LZTFL1: variants seen among roughly 807,000 people sequenced by gnomAD.
LZTFL1 encodes leucine zipper transcription factor-like protein 1.
LZTFL1 carries 25 observed loss-of-function variants against 45.9 expected under a neutral mutation model. The ratio of observed to expected loss-of-function variants is 0.54; its 90% CI spans 0.40 to 0.76. LZTFL1 has a LOEUF of 0.76. Among genes scored for constraint, LZTFL1 ranks in the 30% least tolerant of loss-of-function variants. LZTFL1 has a pLI of 0.00. For missense variants in LZTFL1, 277 were observed against 331.1 expected (o/e 0.84, Z 1.27); for synonymous variants, 93 against 117.4 (o/e 0.79, Z 1.35).
chr3:45,840,074 A>G lies in LZTFL1; in HGVS notation c.3+1915T>C, dbSNP rs775119005. The stretch of plus-strand genomic sequence containing the variant: ...GGGCATGAACCATTTCTTATAATGC[A>G]CAACACCTAGCATAGTGCCTTGTGC... On this transcript the variant is annotated intron_variant, in intron 1 of 9. Transcript: ENST00000296135. Among the ~76,000 whole-genome samples, 3 of 152,186 alleles carry G rather than the reference A, an allele frequency of 2.0e-5. No homozygotes were observed. The East Asian group carries it at 5.8e-4, about 29-fold the overall frequency.
At chr3:45,870,914 C>G (rs1385926578) in intron 2 of LZTFL1, among the ~76,000 whole-genome samples, 2 of 152,148 alleles carry the variant, frequency 1.3e-5, no homozygotes, top group Non-Finnish European at 2.9e-5. Flanking sequence ...ATGGATAATA[C>G]TTGAGTGTTT....
chr3:45,859,090 A>G (rs1454604924), intron 2 of LZTFL1: 5 of 152,354 alleles, frequency 3.3e-5, no homozygotes, highest in South Asian at 2.1e-4. Flanking sequence ...CAGGATTTCT[A>G]TTCTCCTGGA....
intron 2 of LZTFL1, among the ~76,000 whole-genome samples, chr3:45,896,228 G>C (rs1199016829): frequency 6.6e-6 from 1 of 152,260 alleles, no homozygotes; most frequent in African/African-American, 2.4e-5. Flanking sequence ...AGCAGAGCCA[G>C]GGCTGCTTCT....
chr3:45,843,233 T>C (rs1701160517), upstream of LZTFL1, among the ~76,000 whole-genome samples: 1 of 152,234 alleles, frequency 6.6e-6, no homozygotes, highest in Non-Finnish European at 1.5e-5. Flanking sequence ...TCAGTTAAAC[T>C]TCCCCTTTAC....
intron 1 of LZTFL1, 70 bp from the exon 2 acceptor site, chr3:45,838,121 A>G (rs1189877528): frequency 2.7e-6 from 4 of 1,487,582 alleles, no homozygotes; most frequent in Admixed American, 2.1e-5. Context: ...ATGAAAATGC[A>G]TAAGATATCC....
At chr3:45,911,426 AG>A (rs1032076889) in intron 2 of LZTFL1, among the ~76,000 whole-genome samples, 8 of 152,364 alleles carry the variant, frequency 5.3e-5, no homozygotes, top group African/African-American at 1.7e-4. Context: ...TCACATTTTG[AG>A]GCACAGAGTA....
At chr3:45,867,304 A>G (rs2125713485) in intron 2 of LZTFL1, among the ~76,000 whole-genome samples, 2 of 152,270 alleles carry the variant, frequency 1.3e-5, no homozygotes, top group Middle Eastern at 6.8e-3. Flanking sequence ...ATTTTAAAAT[A>G]TGGTGTAAAA....
chr3:45,833,360 T>C (rs1700881368), intron 4 of LZTFL1, among the ~76,000 whole-genome samples: 1 of 152,176 alleles, frequency 6.6e-6, no homozygotes, highest in Non-Finnish European at 1.5e-5. Context: ...ATCTTCCCTG[T>C]ATCTTTTAAA....
At position 45,894,792 on chromosome 3, in the gene LZTFL1, T is replaced by A. The variant is rs1272859190; in HGVS notation, c.-215+18328A>T. The A allele has an allele frequency of 1.7e-5, 13 of 755,696 alleles. No individual in the cohort carries two copies. In the East Asian group the frequency reaches 3.3e-4, roughly 19 times the overall value. 46.8% of individuals were successfully genotyped at this position (755,696 alleles called of 1,614,324 possible). On this transcript the variant is annotated intron_variant, in intron 2 of 4. Coordinates refer to the LZTFL1 transcript ENST00000472635. ...TATAGACTCTAACTCCTGCTTGGAATATTTTTTTCAGAAGAATAAGCAGAT... is the reference window on the plus strand; with the variant it reads ...TATAGACTCTAACTCCTGCTTGGAAAATTTTTTTCAGAAGAATAAGCAGAT...
chr3:45,826,131 G>T lies in LZTFL1; in HGVS notation c.*183C>A, dbSNP rs981814092. The T allele has an allele frequency of 4.1e-5, 25 of 603,600 alleles. No individual in the cohort carries two copies. In the South Asian group the frequency reaches 5.1e-4, roughly 12 times the overall value. 37.4% of individuals were successfully genotyped at this position (603,600 alleles called of 1,614,324 possible). A position where few individuals can be genotyped will look rare whatever the true frequency, so the allele number is the denominator to read the frequency against. ...GAGAGGTGTGTGGGATGACCAGACAGAATCACTAGGTTTTCTCTGTTTTCA... is the reference window on the plus strand; with the variant it reads ...GAGAGGTGTGTGGGATGACCAGACATAATCACTAGGTTTTCTCTGTTTTCA... On this transcript the variant is annotated 3_prime_UTR_variant, in exon 10 of 10. Transcript: ENST00000296135.
chr3:45,830,181 T>C (rs1700777512), intron 7 of LZTFL1, among the ~76,000 whole-genome samples: 1 of 152,246 alleles, frequency 6.6e-6, no homozygotes, highest in Non-Finnish European at 1.5e-5. Context: ...TGGGTTTGTT[T>C]ACCAGACATT....
intron 1 of LZTFL1, among the ~76,000 whole-genome samples, chr3:45,840,531 G>A (rs1242955201): frequency 6.6e-6 from 1 of 152,192 alleles, no homozygotes; most frequent in Non-Finnish European, 1.5e-5. Flanking sequence ...TAGATATGAT[G>A]ATCAGTCCTA....
intron 3 of LZTFL1, among the ~76,000 whole-genome samples, chr3:45,857,980 AATG>A (rs755252503): frequency 6.6e-6 from 1 of 152,352 alleles, no homozygotes; most frequent in East Asian, 1.9e-4. Context: ...GGTTAATCAT[AATG>A]ATAATTTTAT....
chr3:45,841,775 G>A (rs929938516), intron 1 of LZTFL1: 8 of 624,396 alleles, frequency 1.3e-5, no homozygotes, highest in Middle Eastern at 4.3e-4. Flanking sequence ...CTGGGCTGCT[G>A]GGAAAAGGCT....
chr3:45,835,130 A>C (rs1209627862), intron 3 of LZTFL1: 1 of 152,452 alleles, frequency 6.6e-6, no homozygotes, highest in Non-Finnish European at 1.5e-5. Flanking sequence ...GCTTTTTTGT[A>C]TATTTCCTAT....
At chr3:45,873,710 A>AT (rs940113228) in intron 2 of LZTFL1, among the ~76,000 whole-genome samples, 15 of 152,136 alleles carry the variant, frequency 9.9e-5, no homozygotes, top group Admixed American at 2.0e-4. Context: ...GAAGACCTCC[A>AT]TCTTTCCACA....
chr3:45,837,775 T>C, intron 2 of LZTFL1, 152 bp downstream of exon 2: 1 of 644,952 alleles, frequency 1.6e-6, no homozygotes, highest in Non-Finnish European at 2.4e-6. Context: ...TTTTGTTTCC[T>C]GTATCCATGA....
upstream of LZTFL1, chr3:45,842,219 AC>A: frequency 1.4e-6 from 2 of 1,394,558 alleles, no homozygotes; most frequent in African/African-American, 2.9e-5. Flanking sequence ...GTTGACTGCC[AC>A]ATGCGCATTG....
At chr3:45,899,175 C>G (rs928016214) in intron 2 of LZTFL1, among the ~76,000 whole-genome samples, 1 of 152,218 alleles carries the variant, frequency 6.6e-6, no homozygotes, top group African/African-American at 2.4e-5. Flanking sequence ...TCAAAACAAA[C>G]AAACAAATAA....
Sources: gnomAD v4.1 joint callset for allele counts (sites outside exome capture counted in the v4.1 genomes callset) on GRCh38, gnomAD v4.1.1 for gene constraint, MANE v1.5 for transcripts, NCBI Gene and HGNC (gene_info 2026-07-23, HGNC 2026-07-21) for gene names.